RPS6KC1: variants seen among roughly 807,000 people sequenced by gnomAD.
RPS6KC1 encodes inactive ribosomal protein S6 kinase delta-1.
In RPS6KC1, 54 loss-of-function variants were observed where a neutral mutation model predicts 103.8. That is an observed-to-expected ratio of 0.52 (90% CI 0.42 to 0.65). The LOEUF (loss-of-function observed/expected upper bound fraction) is 0.65, where lower values mean the gene tolerates loss of function less well. Among genes scored for constraint, RPS6KC1 ranks in the 30% least tolerant of loss-of-function variants. The pLI is 0.00. For synonymous variants in RPS6KC1, 439 were observed against 438.7 expected (o/e 1.00, Z -0.01); for missense variants, 1,151 against 1,253.8 (o/e 0.92, Z 1.24).
the RPS6KC1 span, among the ~76,000 whole-genome samples, chr1:213,314,770 A>C: frequency 6.6e-6 from 1 of 152,240 alleles, no homozygotes; most frequent in East Asian, 1.9e-4. Flanking sequence ...TAAGCAGAAT[A>C]ATATGATATT....
At chr1:213,486,166 A>G in the RPS6KC1 span, among the ~76,000 whole-genome samples, 1 of 152,242 alleles carries the variant, frequency 6.6e-6, no homozygotes, top group Non-Finnish European at 1.5e-5. Context: ...TTGAAAAGGC[A>G]GGTAAAATAC....
rs915475056 is a variant in RPS6KC1, at chr1:213,051,418, G to A, written c.14G>A (p.Arg5Gln). Reference protein sequence around the residue: MTSYRERSADLARFY... With the variant: MTSYQERSADLARFY... ...GGCGGCGGGAGGATGACCTCTTACC[G>A]GGAGCGGAGTGCCGACCTGGCCCGT... The change falls in exon 1 of 15, where the codon CGG becomes CAG. Residue 5 changes from arginine to glutamine, a missense_variant. Arg to Gln is a conservative substitution (Grantham distance 43). Transcript: ENST00000366960. 2 of 1,612,806 alleles carry A rather than the reference G, an allele frequency of 1.2e-6. No individual in the cohort carries two copies. The highest frequency in any genetic ancestry group is 1.7e-5 in the Admixed American group (1 of 59,970).
At chr1:213,780,761 T>A in the RPS6KC1 span, among the ~76,000 whole-genome samples, 1 of 152,152 alleles carries the variant, frequency 6.6e-6, no homozygotes, top group Non-Finnish European at 1.5e-5. Flanking sequence ...CAGTGGTGCA[T>A]GCCTGTAATT....
chr1:213,607,404 A>G, the RPS6KC1 span, among the ~76,000 whole-genome samples: 17 of 152,218 alleles, frequency 1.1e-4, no homozygotes, highest in Non-Finnish European at 5.9e-5. Flanking sequence ...GAGGAAATGA[A>G]GGCTCAGAAT....
chr1:213,225,989 C>T (rs1448669593), intron 8 of RPS6KC1, among the ~76,000 whole-genome samples: 6 of 150,684 alleles, frequency 4.0e-5, no homozygotes, highest in Non-Finnish European at 7.4e-5. Context: ...TTTGGGATGC[C>T]GAGGCGGGCG....
the RPS6KC1 span, among the ~76,000 whole-genome samples, chr1:213,789,965 A>T: frequency 1.3e-5 from 2 of 152,196 alleles, no homozygotes; most frequent in Non-Finnish European, 2.9e-5. Context: ...ATGGTTTGTA[A>T]CGAAAGAGGA....
chr1:213,509,849 A>C, the RPS6KC1 span, among the ~76,000 whole-genome samples: 4 of 151,822 alleles, frequency 2.6e-5, no homozygotes, highest in African/African-American at 9.7e-5. Flanking sequence ...AGCCATTTTT[A>C]TCTCTTTTAT....
the RPS6KC1 span, among the ~76,000 whole-genome samples, chr1:213,366,884 T>C: frequency 6.6e-6 from 1 of 152,272 alleles, no homozygotes; most frequent in Non-Finnish European, 1.5e-5. Context: ...GTATCTTCCC[T>C]GCATTTGTCC....
At chr1:213,813,785 A>AG in the RPS6KC1 span, among the ~76,000 whole-genome samples, 10 of 152,266 alleles carry the variant, frequency 6.6e-5, no homozygotes, top group Admixed American at 2.0e-4. Flanking sequence ...AGAGGAGCAG[A>AG]GGGGGGCTGC....
At chr1:213,830,505 C>T in the RPS6KC1 span, among the ~76,000 whole-genome samples, 2 of 151,998 alleles carry the variant, frequency 1.3e-5, no homozygotes, top group East Asian at 1.9e-4. Flanking sequence ...TGTGGTGGCC[C>T]TTCATTGCTA....
At chr1:213,159,766 A>G (rs2090283572) in intron 6 of RPS6KC1, among the ~76,000 whole-genome samples, 1 of 152,174 alleles carries the variant, frequency 6.6e-6, no homozygotes, top group Non-Finnish European at 1.5e-5. Flanking sequence ...AGTGTTTTTT[A>G]TTAGTCGATC....
the RPS6KC1 span, among the ~76,000 whole-genome samples, chr1:213,529,308 G>A: frequency 6.6e-5 from 10 of 152,160 alleles, no homozygotes; most frequent in African/African-American, 2.4e-4. Flanking sequence ...CCTCCATGGT[G>A]GTGGGGAATG....
At chr1:213,098,919 A>T (rs1261601130) in intron 3 of RPS6KC1, among the ~76,000 whole-genome samples, 1 of 152,212 alleles carries the variant, frequency 6.6e-6, no homozygotes, top group East Asian at 1.9e-4. Context: ...ATTGCACTGT[A>T]AACCTCGGGA....
the RPS6KC1 span, among the ~76,000 whole-genome samples, chr1:213,356,517 G>A: frequency 3.9e-5 from 6 of 152,136 alleles, no homozygotes; most frequent in South Asian, 4.1e-4. Context: ...TTAGCGGGGC[G>A]TGATAGCAGG....
the RPS6KC1 span, among the ~76,000 whole-genome samples, chr1:213,457,728 T>G: frequency 6.6e-6 from 1 of 152,240 alleles, no homozygotes; most frequent in African/African-American, 2.4e-5. Context: ...GTTTAAATAA[T>G]GTCTTTTGCA....
At chr1:213,163,980 C>G (rs578091874) in intron 6 of RPS6KC1, among the ~76,000 whole-genome samples, 4 of 152,296 alleles carry the variant, frequency 2.6e-5, no homozygotes, top group African/African-American at 9.6e-5. Flanking sequence ...TTGTCCTACT[C>G]AGAAACAGTA....
At chr1:213,603,467 A>AT in the RPS6KC1 span, among the ~76,000 whole-genome samples, 8 of 152,246 alleles carry the variant, frequency 5.3e-5, no homozygotes, top group Non-Finnish European at 8.8e-5. Flanking sequence ...CTGGTCTTTT[A>AT]TTTTTTATCC....
At chr1:213,699,210 C>A in the RPS6KC1 span, among the ~76,000 whole-genome samples, 1 of 151,998 alleles carries the variant, frequency 6.6e-6, no homozygotes, top group African/African-American at 2.4e-5. Flanking sequence ...ACACCTCACC[C>A]CACTCCCATT....
the RPS6KC1 span, among the ~76,000 whole-genome samples, chr1:213,741,332 G>A: frequency 6.6e-6 from 1 of 152,056 alleles, no homozygotes; most frequent in Non-Finnish European, 1.5e-5. Flanking sequence ...CAGAAGCAAT[G>A]TTTTTGCAGC....
Sources: gnomAD v4.1 joint callset for allele counts (sites outside exome capture counted in the v4.1 genomes callset) on GRCh38, gnomAD v4.1.1 for gene constraint, MANE v1.5 for transcripts, NCBI Gene and HGNC (gene_info 2026-07-23, HGNC 2026-07-21) for gene names.